Variants in ARHGAP26 observed in about 807,000 individuals in gnomAD.
The protein encoded by ARHGAP26 is Rho GTPase activating protein 26, also known as rho GTPase-activating protein 26.
ARHGAP26 carries 38 observed loss-of-function variants against 104.8 expected under a neutral mutation model. The observed-to-expected ratio is 0.36, with a 90% CI of 0.28 to 0.48. ARHGAP26 has a LOEUF of 0.48. Ranked by LOEUF, ARHGAP26 falls within the 20% of genes least tolerant of loss-of-function variation. ARHGAP26 has a pLI of 0.99. For synonymous variants in ARHGAP26, 341 were observed against 340.0 expected, an observed-to-expected ratio of 1.00 and a Z score of -0.03; for missense variants, 704 against 947.9, an observed-to-expected ratio of 0.74 and a Z score of 3.38.
At chr5:142,819,754 A>G (rs756158490) in intron 1 of ARHGAP26, among the ~76,000 whole-genome samples, 1 of 152,278 alleles carries the variant, frequency 6.6e-6, no homozygotes, top group Non-Finnish European at 1.5e-5. Flanking sequence ...CAATCATTAC[A>G]TAGAAAATTT....
intron 22 of ARHGAP26, 46 bp from the exon 23 acceptor site, chr5:143,222,312 A>T: frequency 7.2e-7 from 1 of 1,390,664 alleles, no homozygotes; most frequent in Non-Finnish European, 9.9e-7. Context: ...CGCCTGCTCT[A>T]TCTGTAATGC....
intron 11 of ARHGAP26, among the ~76,000 whole-genome samples, chr5:142,972,026 A>G (rs1772350426): frequency 6.6e-6 from 1 of 152,138 alleles, no homozygotes. Context: ...TACTAAAAAT[A>G]CAAAAATTAG....
chr5:143,048,251 G>A (rs1784496478), intron 14 of ARHGAP26, among the ~76,000 whole-genome samples: 2 of 151,962 alleles, frequency 1.3e-5, no homozygotes, highest in Admixed American at 1.3e-4. Flanking sequence ...TGGTGCATTT[G>A]TTTTTGTTGT....
chr5:142,885,127 C>G lies in ARHGAP26; in HGVS notation c.385-171C>G, dbSNP rs192327666. On this transcript the variant is annotated intron_variant, in intron 4 of 22. Transcript: ENST00000645722. ...GGTTGGTGCCTCTCTGCTAGACACT[C>G]AAACTCAGGGGGCTGTTGATGGGTG... Among the ~76,000 whole-genome samples the G allele has an allele frequency of 2.0e-3, 302 of 152,344 alleles. 1 individual carries two copies. The highest frequency in any genetic ancestry group is 0.01 in the Middle Eastern group (3 of 294).
chr5:143,127,414 A>G (rs978928145), intron 18 of ARHGAP26, among the ~76,000 whole-genome samples: 2 of 152,210 alleles, frequency 1.3e-5, no homozygotes, highest in African/African-American at 4.8e-5. Flanking sequence ...AAAATAAGTT[A>G]TAATAATTCC....
At chr5:143,073,392 A>G (rs1198588258) in intron 17 of ARHGAP26, among the ~76,000 whole-genome samples, 1 of 152,194 alleles carries the variant, frequency 6.6e-6, no homozygotes, top group East Asian at 1.9e-4. Flanking sequence ...AGCATCTCTG[A>G]TTAAGCTGGC....
intron 11 of ARHGAP26, among the ~76,000 whole-genome samples, chr5:142,960,811 C>T (rs1329074448): frequency 6.6e-6 from 1 of 152,244 alleles, no homozygotes; most frequent in Non-Finnish European, 1.5e-5. Context: ...TTTTTCTATG[C>T]CCAGCATGCC....
intron 11 of ARHGAP26, among the ~76,000 whole-genome samples, chr5:142,975,930 C>T (rs944473714): frequency 9.8e-5 from 15 of 152,324 alleles, no homozygotes; most frequent in African/African-American, 3.1e-4. Context: ...CCAGTAACTG[C>T]TTTGTCTGGT....
chr5:142,796,063 TGTGTGTG>T, intron 1 of ARHGAP26, among the ~76,000 whole-genome samples: 1 of 146,608 alleles, frequency 6.8e-6, no homozygotes, highest in Non-Finnish European at 1.5e-5. Context: ...TCTGTGTGTG[TGTGTGTG>T]TGTGTGTGTG....
intron 1 of ARHGAP26, among the ~76,000 whole-genome samples, chr5:142,845,600 C>T (rs375810445): frequency 1.3e-5 from 2 of 152,146 alleles, no homozygotes; most frequent in Non-Finnish European, 1.5e-5. Flanking sequence ...ACTGCAGACC[C>T]GTGTATTTTT....
chr5:142,913,332 C>G, intron 10 of ARHGAP26, 39 bp downstream of exon 10: 3 of 1,562,356 alleles, frequency 1.9e-6, no homozygotes, highest in Non-Finnish European at 2.6e-6. Flanking sequence ...GCAAATAGAG[C>G]TGAATTTCTA....
intron 13 of ARHGAP26, among the ~76,000 whole-genome samples, chr5:143,038,278 T>G (rs529804330): frequency 5.9e-5 from 9 of 152,298 alleles, no homozygotes; most frequent in African/African-American, 2.2e-4. Flanking sequence ...TGTGAGGCAT[T>G]AAGTAGAGGG....
intron 1 of ARHGAP26, among the ~76,000 whole-genome samples, chr5:142,797,969 C>T (rs922535275): frequency 2.0e-5 from 3 of 152,198 alleles, no homozygotes; most frequent in Non-Finnish European, 2.9e-5. Flanking sequence ...TTTCCCTTTA[C>T]CTGACCCTTC....
At chr5:143,022,684 A>G (rs2152838696) in intron 12 of ARHGAP26, among the ~76,000 whole-genome samples, 1 of 152,354 alleles carries the variant, frequency 6.6e-6, no homozygotes, top group East Asian at 1.9e-4. Flanking sequence ...TGAAAGTGTC[A>G]CACGATGGGC....
intron 10 of ARHGAP26, among the ~76,000 whole-genome samples, chr5:142,917,033 TG>T (rs1762568744): frequency 7.1e-6 from 1 of 139,966 alleles, no homozygotes; most frequent in South Asian, 2.4e-4. Flanking sequence ...CTCAAGACTT[TG>T]GAATTTTTTT....
At chr5:143,168,786 A>G (rs1294198337) in intron 20 of ARHGAP26, 1 of 152,166 alleles carries the variant, frequency 6.6e-6, no homozygotes, top group Non-Finnish European at 1.5e-5. Context: ...GACCAGATTC[A>G]TGGTGGGATT....
intron 11 of ARHGAP26, among the ~76,000 whole-genome samples, chr5:142,953,316 A>G (rs557636682): frequency 9.9e-5 from 15 of 152,180 alleles, no homozygotes; most frequent in Non-Finnish European, 2.1e-4. Flanking sequence ...AAGCAAACAG[A>G]TTGGTCACCT....
intron 1 of ARHGAP26, among the ~76,000 whole-genome samples, chr5:142,814,160 A>G (rs1419273812): frequency 6.6e-6 from 1 of 152,206 alleles, no homozygotes; most frequent in Non-Finnish European, 1.5e-5. Context: ...GAGGAGTAGG[A>G]ATAGTTTGGG....
chr5:143,129,043 G>A lies in ARHGAP26; in HGVS notation c.1699-4924G>A, dbSNP rs1797027784. On this transcript the variant is annotated intron_variant, in intron 18 of 22. Transcript: ENST00000645722. ...GGTCTAAAAATGTGTATGTGACATG[G>A]ATAAGAACAGATTCCACAAGTGTCA... Among the ~76,000 whole-genome samples the A allele has an allele frequency of 2.0e-5, 3 of 152,174 alleles. No homozygotes were observed. The South Asian group carries it at 6.2e-4, about 32-fold the overall frequency.
Sources: gnomAD v4.1 joint callset for allele counts (sites outside exome capture counted in the v4.1 genomes callset) on GRCh38, gnomAD v4.1.1 for gene constraint, MANE v1.5 for transcripts, NCBI Gene and HGNC (gene_info 2026-07-23, HGNC 2026-07-21) for gene names.